Variants in PHF20 observed in about 807,000 individuals in gnomAD.
PHF20 encodes glioma-expressed antigen 2.
In PHF20, 23 loss-of-function variants were observed where a neutral mutation model predicts 113.5. The ratio of observed to expected loss-of-function variants is 0.20; its 90% confidence interval spans 0.15 to 0.29. The LOEUF is 0.29. Among genes scored for constraint, PHF20 ranks in the 10% least tolerant of loss-of-function variants. The pLI is 1.00. For missense variants in PHF20, 943 were observed against 1,219.6 expected (o/e 0.77, Z 3.38); for synonymous variants, 434 against 457.3 (o/e 0.95, Z 0.65).
At chr20:35,867,003 G>A (rs1600847626) in intron 6 of PHF20, among the ~76,000 whole-genome samples, 1 of 152,146 alleles carries the variant, frequency 6.6e-6, no homozygotes, top group Admixed American at 6.6e-5. Flanking sequence ...AATATGAATT[G>A]TTAACAAGCT....
intron 1 of PHF20, among the ~76,000 whole-genome samples, chr20:35,797,295 T>C (rs1000997922): frequency 6.6e-6 from 1 of 151,734 alleles, no homozygotes; most frequent in Non-Finnish European, 1.5e-5. Flanking sequence ...GGTGCATCAT[T>C]TGAGGTCAGG....
At chr20:35,897,077 A>G (rs940784355) in intron 9 of PHF20, among the ~76,000 whole-genome samples, 2 of 152,154 alleles carry the variant, frequency 1.3e-5, no homozygotes, top group African/African-American at 4.8e-5. Flanking sequence ...TTTGTTGCCC[A>G]GGCTGGAGTG....
intron 16 of PHF20, among the ~76,000 whole-genome samples, chr20:35,940,139 T>C (rs2055948407): frequency 6.6e-6 from 1 of 152,180 alleles, no homozygotes; most frequent in Non-Finnish European, 1.5e-5. Context: ...GTTTTGCACA[T>C]AGTAAGTACT....
At chr20:35,813,580 C>T (rs1276950982) in intron 2 of PHF20, among the ~76,000 whole-genome samples, 1 of 152,004 alleles carries the variant, frequency 6.6e-6, no homozygotes, top group African/African-American at 2.4e-5. Context: ...GACCTCTGAG[C>T]TGGGCACGGT....
intron 10 of PHF20, 38 bp downstream of exon 10, chr20:35,899,686 C>A: frequency 1.3e-6 from 2 of 1,599,068 alleles, no homozygotes; most frequent in Non-Finnish European, 8.5e-7. Flanking sequence ...ATGGATGGCT[C>A]AGTTGCTTGG....
chr20:35,947,509 C>A lies in PHF20; in HGVS notation c.2921C>A (p.Thr974Asn). 1 of 1,614,066 alleles carries A rather than the reference C, an allele frequency of 6.2e-7. No individual in the cohort carries two copies. Among genetic ancestry groups the A allele is most frequent in the Non-Finnish European group, 8.5e-7 (1 of 1,179,992 alleles). ...GTGTTGGAGAGCTGGCTGGACTACA[C>A]TGGGGAACTGGAGCCCCCTGAGCCG... ...LDVLESWLDY[T>N]GELEPPEPLA... The change falls in exon 18 of 18, where the codon ACT (threonine) becomes AAT (asparagine). Residue 974 changes from threonine to asparagine, a missense_variant. Around this residue, in one of 3 missense-constraint regions of PHF20, gnomAD observed 349 missense variants for 412.3 expected, o/e 0.85. Coordinates refer to ENST00000374012, the MANE Select transcript of PHF20 (RefSeq NM_016436.5).
chr20:35,870,522 T>A (rs17346366), intron 7 of PHF20, among the ~76,000 whole-genome samples: 11,583 of 151,818 alleles, frequency 0.076, 686 homozygotes, highest in South Asian at 0.2. Context: ...TTTATTGATT[T>A]AAAAAAATAC....
At chr20:35,846,204 G>A (rs2146943363) in intron 3 of PHF20, among the ~76,000 whole-genome samples, 1 of 146,914 alleles carries the variant, frequency 6.8e-6, no homozygotes, top group South Asian at 2.1e-4. Context: ...TTTTGAGACA[G>A]AGTCTCACTG....
Position 35,941,014 on chromosome 20 carries a change from C to T in PHF20, c.2863C>T (p.His955Tyr), listed in dbSNP as rs1435998013. 5 of 1,613,986 alleles carry T rather than the reference C, an allele frequency of 3.1e-6. No individual in the cohort carries two copies. The African/African-American group carries it at 4.0e-5, about 13-fold the overall frequency. ...GGAATCTCTTCAGGATGAAGTTACGCACAGGATGGACTCCATTGAGAAGGA... is the reference window on the plus strand; with the variant it reads ...GGAATCTCTTCAGGATGAAGTTACGTACAGGATGGACTCCATTGAGAAGGA... Reference protein sequence around the residue: ...HVESLQDEVTHRMDSIEKELD... With the variant: ...HVESLQDEVTYRMDSIEKELD... The change falls in exon 17 of 18, where the codon CAC becomes TAC. Residue 955 changes from histidine (H) to tyrosine (Y), a missense_variant. His to Tyr is a moderately conservative substitution (Grantham distance 83). This residue lies in a region of PHF20 where 349 missense variants were observed against 412.3 expected (regional missense o/e 0.85). Transcript: ENST00000374012.
At position 35,863,029 on chromosome 20, in the gene PHF20, C is replaced by A; in HGVS notation, c.437C>A (p.Ala146Asp). ...FSKDQNIVGNARPKETDHKSL... is the reference protein window; with the variant it reads ...FSKDQNIVGNDRPKETDHKSL... ...TCATTTTAGAATATTGTGGGTAATG[C>A]TAGGCCTAAAGAAACAGATCACAAA... Residue 146 changes from alanine (A) to aspartate (D), a missense_variant, in exon 6 of 18, where the codon GCT becomes GAT. Ala to Asp is a moderately radical substitution (Grantham distance 126). Coordinates refer to ENST00000374012, the MANE Select transcript of PHF20 (RefSeq NM_016436.5). 1 of 1,585,128 alleles carries A rather than the reference C, an allele frequency of 6.3e-7. No individual in the cohort carries two copies. Among genetic ancestry groups the A allele is most frequent in the Non-Finnish European group, 8.5e-7 (1 of 1,171,472 alleles).
chr20:35,879,234 A>G (rs1176740375), intron 9 of PHF20, among the ~76,000 whole-genome samples: 3 of 152,134 alleles, frequency 2.0e-5, no homozygotes, highest in Non-Finnish European at 4.4e-5. Context: ...ACAACTGACA[A>G]TATATATATG....
chr20:35,900,785 C>T (rs989357255), intron 10 of PHF20, among the ~76,000 whole-genome samples: 1 of 152,046 alleles, frequency 6.6e-6, no homozygotes, highest in East Asian at 1.9e-4. Context: ...TGCAGTGAAC[C>T]GAGATCATGC....
intron 1 of PHF20, among the ~76,000 whole-genome samples, chr20:35,791,853 T>A (rs1276281401): frequency 6.6e-6 from 1 of 152,030 alleles, no homozygotes; most frequent in Non-Finnish European, 1.5e-5. Context: ...TGTTTCTAGT[T>A]TGGCACACTT....
chr20:35,842,531 G>C, intron 2 of PHF20, 42 bp from the exon 3 acceptor site: 1 of 1,529,154 alleles, frequency 6.5e-7, no homozygotes, highest in Non-Finnish European at 8.9e-7. Context: ...GATATTTGGG[G>C]TGGGTATTAA....
chr20:35,913,993 AAC>A (rs772732989), intron 11 of PHF20, 38 bp from the exon 12 acceptor site: 1 of 1,599,472 alleles, frequency 6.3e-7, no homozygotes, highest in Admixed American at 1.7e-5. Flanking sequence ...CACCAGTGTT[AAC>A]TAGGGTTATT....
intron 2 of PHF20, among the ~76,000 whole-genome samples, chr20:35,819,676 GTT>G (rs1376578282): frequency 6.6e-6 from 1 of 150,448 alleles, no homozygotes; most frequent in Non-Finnish European, 1.5e-5. Context: ...GTGTGTGTGT[GTT>G]TTTAAGCAAT....
At chr20:35,849,542 T>A (rs2042682231) in intron 4 of PHF20, 1 of 468,308 alleles carries the variant, frequency 2.1e-6, no homozygotes, top group African/African-American at 2.0e-5. Flanking sequence ...AGAAACTCTT[T>A]GAAATAATGA....
intron 1 of PHF20, among the ~76,000 whole-genome samples, chr20:35,790,649 A>G (rs1280874731): frequency 6.6e-6 from 1 of 152,110 alleles, no homozygotes; most frequent in Non-Finnish European, 1.5e-5. Flanking sequence ...CTGAGGTCCA[A>G]ACTCAGGCAC....
At chr20:35,856,006 T>A (rs1264414505) in intron 4 of PHF20, among the ~76,000 whole-genome samples, 1 of 152,172 alleles carries the variant, frequency 6.6e-6, no homozygotes, top group Non-Finnish European at 1.5e-5. Context: ...ACAATTATTT[T>A]TGACTATAGT....
Sources: gnomAD v4.1 joint callset for allele counts (sites outside exome capture counted in the v4.1 genomes callset) on GRCh38, gnomAD v4.1.1 for gene constraint, gnomAD v4.1.1 regional missense constraint, MANE v1.5 for transcripts, NCBI Gene and HGNC (gene_info 2026-07-23, HGNC 2026-07-21) for gene names.